Variants in TRAF4 observed in about 807,000 individuals in gnomAD.
TRAF4 encodes the protein TNF receptor associated factor 4, also known as TNF receptor-associated factor 4.
A neutral mutation model predicts 47.3 loss-of-function variants in TRAF4; 9 were observed. That is an observed-to-expected ratio of 0.19 (90% CI 0.11 to 0.33). The LOEUF is 0.33. TRAF4 is among the 10% of genes least tolerant of loss of function. TRAF4 has a pLI of 1.00. For synonymous variants in TRAF4, 236 were observed against 236.9 expected, an observed-to-expected ratio of 1.00 and a Z score of 0.04; for missense variants, 448 against 620.3, an observed-to-expected ratio of 0.72 and a Z score of 2.95.
chr17:28,747,304 G>T (rs758901367), intron 2 of TRAF4, 40 bp downstream of exon 2: 1 of 1,602,200 alleles, frequency 6.2e-7, no homozygotes, highest in Admixed American at 1.7e-5. Context: ...AGCACAGTCT[G>T]TTGCCCTTGG....
At position 28,749,115 on chromosome 17, in the gene TRAF4, T is replaced by C. The variant is rs748084950; in HGVS notation, c.951T>C (p.Tyr317=). ...DGVLIWKIGS[Y]GRRLQEAKAK... is the part of the protein sequence containing the mutation. ...TGCTCATCTGGAAGATTGGCAGCTA[T>C]GGACGGCGGCTACAGGAGGCCAAGG... is the stretch of plus-strand genomic sequence containing the variant. Residue 317 remains tyrosine, a synonymous_variant, in exon 7 of 7, where the codon TAT becomes TAC. Coordinates refer to ENST00000262395, the MANE Select transcript of TRAF4 (RefSeq NM_004295.4). 3.1e-6 allele frequency: 5 copies of C among 1,614,124 alleles called. No individual in the cohort carries two copies. The highest frequency in any genetic ancestry group is 1.7e-5 in the Admixed American group (1 of 60,032).
chr17:28,746,296 GT>G (rs2034511963), intron 1 of TRAF4, among the ~76,000 whole-genome samples: 4 of 152,248 alleles, frequency 2.6e-5, no homozygotes, highest in African/African-American at 9.6e-5. Flanking sequence ...TGCCAGGCAT[GT>G]GTGACTGGCC....
At chr17:28,746,241 AG>A (rs1269246300) in intron 1 of TRAF4, among the ~76,000 whole-genome samples, 1 of 152,184 alleles carries the variant, frequency 6.6e-6, no homozygotes, top group Non-Finnish European at 1.5e-5. Context: ...GCCCTGCCCC[AG>A]GGCCCTGAGT....
chr17:28,744,214 C>G lies in TRAF4; in HGVS notation c.102C>G (p.Cys34Trp). 6.3e-7 allele frequency: 1 copy of G among 1,581,366 alleles called. No homozygotes were observed. Among genetic ancestry groups the G allele is most frequent in the Non-Finnish European group, 8.6e-7 (1 of 1,169,012 alleles). Reference sequence around the variant, plus strand: ...GCGAGCCTGTGCAGGTTTCCACCTGCGGCCACCGTTTCTGCGATACCTGCC... The same window carrying G: ...GCGAGCCTGTGCAGGTTTCCACCTGGGGCCACCGTTTCTGCGATACCTGCC... The part of the protein sequence containing the change: ...PMREPVQVST[C>W]GHRFCDTCLQ... Residue 34 changes from cysteine to tryptophan, a missense_variant, in exon 1 of 7, where the codon TGC (cysteine) becomes TGG (tryptophan). Transcript: ENST00000262395.
intron 1 of TRAF4, chr17:28,744,752 T>A (rs1285943278): frequency 1.2e-5 from 2 of 161,650 alleles, no homozygotes; most frequent in Admixed American, 6.5e-5. Flanking sequence ...GGTCACATAG[T>A]TACTTAAAGG....
chr17:28,750,785 A>AAAC lies in TRAF4; in HGVS notation c.*1209_*1211dup, dbSNP rs1431681300. On this transcript the variant is annotated 3_prime_UTR_variant, in exon 7 of 7. Transcript: ENST00000262395. ...TCGGACAGGGCCTCGATTCTGTTTT[A>AAAC]AACTCCAGTAGTCCCTAGAAATTGT... 2 of 152,180 alleles carry AAAC rather than the reference A, an allele frequency of 1.3e-5. No homozygotes were observed. Among genetic ancestry groups the AAAC allele is most frequent in the Non-Finnish European group, 2.9e-5 (2 of 68,048 alleles). The allele number at this position is 152,180 out of a possible 1,614,324, so 9.4% of individuals were successfully genotyped here.
intron 2 of TRAF4, 75 bp downstream of exon 2, chr17:28,747,339 G>A: frequency 1.9e-6 from 3 of 1,554,318 alleles, no homozygotes; most frequent in Non-Finnish European, 2.6e-6. Context: ...GGCAGCCAGT[G>A]GGCTCAGGGC....
In TRAF4 at chr17:28,750,275, C is replaced by G. The variant is rs139461795; in HGVS notation, c.*698C>G. On this transcript the variant is annotated 3_prime_UTR_variant, in exon 7 of 7. Transcript: ENST00000262395. ...TTTGTGTGGAAGACGGTCCCTGCCA[C>G]TGCCCTCTGCCGATGAAATGCGGGA... 1.0e-4 allele frequency: 25 copies of G among 246,482 alleles called. No individual in the cohort carries two copies. Among genetic ancestry groups the G allele is most frequent in the African/African-American group, 5.6e-4 (25 of 44,318 alleles). The allele number at this position is 246,482 out of a possible 1,614,324, so 15.3% of individuals were successfully genotyped here.
In TRAF4 at chr17:28,748,310, TGTG is replaced by T; in HGVS notation, c.515_517del (p.Gly172del). ...GGAGAGTGTCTACTGTGAGAATAAG[TGTG>T]GTGCCCGCATGATGCGGCGGCTGCT... On this transcript the variant is annotated inframe_deletion, in exon 5 of 7. Coordinates refer to ENST00000262395, the MANE Select transcript of TRAF4 (RefSeq NM_004295.4). 1 of 1,613,848 alleles carries T rather than the reference TGTG, an allele frequency of 6.2e-7. No homozygotes were observed. The highest frequency in any genetic ancestry group is 8.5e-7 in the Non-Finnish European group (1 of 1,179,980).
chr17:28,747,568 AG>A (rs774141469), intron 2 of TRAF4: 39 of 582,010 alleles, frequency 6.7e-5, no homozygotes, highest in Non-Finnish European at 1.1e-4. Flanking sequence ...TCCCTCCACC[AG>A]GGGAAAGGAA....
chr17:28,747,890 C>G lies in TRAF4; in HGVS notation c.243C>G (p.Ile81Met). Residue 81 changes from isoleucine to methionine, a missense_variant, in exon 3 of 7, where the codon ATC becomes ATG. Coordinates refer to ENST00000262395, the MANE Select transcript of TRAF4 (RefSeq NM_004295.4). ...ELEVQVLGLP[I>M]RCIHSEEGCR... ...AAGTACAAGTATTGGGCCTGCCTAT[C>G]CGCTGCATCCACAGTGAGGAGGGCT... 1 of 1,614,078 alleles carries G rather than the reference C, an allele frequency of 6.2e-7. No homozygotes were observed. Among genetic ancestry groups the G allele is most frequent in the South Asian group, 1.1e-5 (1 of 91,078 alleles).
chr17:28,748,957 G>C lies in TRAF4; in HGVS notation c.793G>C (p.Ala265Pro), dbSNP rs2034558995. Residue 265 changes from alanine (A) to proline (P), a missense_variant, in exon 7 of 7, where the codon GCA (alanine) becomes CCA (proline). By Grantham distance (27) the Ala-to-Pro change is conservative. Transcript: ENST00000262395. ...GCTTTGCCAACAGTGCCCTAAGCTG[G>C]CAATGGCACGGCATGTGGAGGAGAG... ...SGCKHRCPKL[A>P]MARHVEESVK... The C allele has an allele frequency of 6.2e-7, 1 of 1,611,014 alleles. No homozygotes were observed.
Position 28,749,974 on chromosome 17 carries a change from TCC to T in TRAF4, c.*401_*402del, listed in dbSNP as rs1004760193. 1 of 664,500 alleles carries T rather than the reference TCC, an allele frequency of 1.5e-6. No individual in the cohort carries two copies. Among genetic ancestry groups the T allele is most frequent in the Non-Finnish European group, 2.8e-6 (1 of 361,004 alleles). 41.2% of individuals were successfully genotyped at this position (664,500 alleles called of 1,614,324 possible). On this transcript the variant is annotated 3_prime_UTR_variant, in exon 7 of 7. Coordinates refer to ENST00000262395, the MANE Select transcript of TRAF4 (RefSeq NM_004295.4). ...GAGTCTGTCTTGAGATCTGATTTTT[TCC>T]CCCTTTACCTAGCTGTGCCCCCTCT...
chr17:28,744,725 G>A (rs11574758), intron 1 of TRAF4: 144 of 166,874 alleles, frequency 8.6e-4, no homozygotes, highest in Non-Finnish European at 1.4e-3. Flanking sequence ...TTCAAAGAAA[G>A]GCTGCGACTT....
intron 1 of TRAF4, among the ~76,000 whole-genome samples, chr17:28,746,421 G>A (rs536661414): frequency 1.3e-5 from 2 of 152,358 alleles, no homozygotes; most frequent in African/African-American, 2.4e-5. Context: ...TAGCAGGAGG[G>A]GACGGTCACC....
chr17:28,748,600 T>C lies in TRAF4; in HGVS notation c.714T>C (p.His238=), dbSNP rs780718693. 1.2e-6 allele frequency: 2 copies of C among 1,613,216 alleles called. No homozygotes were observed. The highest frequency in any genetic ancestry group is 1.3e-5 in the African/African-American group (1 of 74,914). ...TGGCTCGGGAGGACCTGCCAGGCCA[T>C]CTGAAGGACAGCTGTAACACCGCCC... ...GTVAREDLPG[H]LKDSCNTALV... The change falls in exon 6 of 7, where the codon CAT becomes CAC. Residue 238 remains histidine (H), a synonymous_variant. Transcript: ENST00000262395.
chr17:28,746,326 G>A (rs2034512437), intron 1 of TRAF4, among the ~76,000 whole-genome samples: 1 of 152,242 alleles, frequency 6.6e-6, no homozygotes, highest in Non-Finnish European at 1.5e-5. Flanking sequence ...GGTCAGCAAG[G>A]GCATGTCGAC....
rs949767683 is a variant in TRAF4, at chr17:28,748,645, A to G, written c.759A>G (p.Lys253=). The G allele has an allele frequency of 1.9e-6, 3 of 1,612,026 alleles. No homozygotes were observed. Among genetic ancestry groups the G allele is most frequent in the Non-Finnish European group, 2.5e-6 (3 of 1,179,900 alleles). The change falls in exon 6 of 7, where the codon AAA becomes AAG. Residue 253 remains lysine (K), a synonymous_variant. Transcript: ENST00000262395. The stretch of plus-strand genomic sequence containing the variant: ...CCGCCCTGGTGCTCTGCCCATTCAA[A>G]GACTCCGGCTGCAAGCACAGGGTGA... The part of the protein sequence containing the change: ...CNTALVLCPF[K]DSGCKHRCPK...
chr17:28,747,128 G>A (rs2034525081), intron 1 of TRAF4, 85 bp from the exon 2 acceptor site: 4 of 1,510,942 alleles, frequency 2.6e-6, no homozygotes, highest in South Asian at 1.2e-5. Context: ...TGGTGAGGAA[G>A]GGAGGCTGCC....
Sources: gnomAD v4.1 joint callset for allele counts (sites outside exome capture counted in the v4.1 genomes callset) on GRCh38, gnomAD v4.1.1 for gene constraint, MANE v1.5 for transcripts, NCBI Gene and HGNC (gene_info 2026-07-23, HGNC 2026-07-21) for gene names.